The following RAVER2 variants were observed in gnomAD, a reference collection of about 807,000 sequenced individuals.
RAVER2 encodes ribonucleoprotein PTB-binding 2.
A neutral mutation model predicts 78.1 loss-of-function variants in RAVER2; 46 were observed. That is an observed-to-expected ratio of 0.59 (90% confidence interval 0.46 to 0.75). RAVER2 has a LOEUF of 0.75. Ranked by LOEUF, RAVER2 falls within the 30% of genes least tolerant of loss-of-function variation. RAVER2 has a pLI of 0.00. For synonymous variants in RAVER2, 311 were observed against 313.3 expected (o/e 0.99, Z 0.08); for missense variants, 793 against 837.5 (o/e 0.95, Z 0.66).
intron 2 of RAVER2, among the ~76,000 whole-genome samples, chr1:64,775,577 A>C (rs1652438276): frequency 6.6e-6 from 1 of 152,232 alleles, no homozygotes; most frequent in Non-Finnish European, 1.5e-5. Flanking sequence ...ACATGTGGCC[A>C]CACAGGTGTT....
intron 1 of RAVER2, among the ~76,000 whole-genome samples, chr1:64,767,931 G>C (rs1652216968): frequency 6.6e-6 from 1 of 151,964 alleles, no homozygotes; most frequent in Admixed American, 6.6e-5. Context: ...AAAAAGTTTA[G>C]GCTATGTTAA....
At chr1:64,813,307 G>A (rs1181604463) in intron 10 of RAVER2, among the ~76,000 whole-genome samples, 1 of 152,216 alleles carries the variant, frequency 6.6e-6, no homozygotes. Flanking sequence ...GTTGTAAATA[G>A]TGGGAAAACT....
intron 11 of RAVER2, among the ~76,000 whole-genome samples, chr1:64,818,262 C>T (rs1374506728): frequency 3.9e-5 from 6 of 152,238 alleles, no homozygotes; most frequent in African/African-American, 1.2e-4. Flanking sequence ...CTAGGCTGGG[C>T]GCGGTGGCTC....
intron 11 of RAVER2, among the ~76,000 whole-genome samples, chr1:64,827,787 C>A (rs1430670039): frequency 6.6e-6 from 1 of 152,188 alleles, no homozygotes; most frequent in Non-Finnish European, 1.5e-5. Context: ...GGGACAAGTT[C>A]AATAGCCTCC....
Position 64,748,120 on chromosome 1 carries a change from C to A in RAVER2, c.249+2699C>A, listed in dbSNP as rs1414295341. 3.3e-5 allele frequency among the ~76,000 whole-genome samples: 5 copies of A among 152,142 alleles called. No individual in the cohort carries two copies. The East Asian group carries it at 9.6e-4, about 29-fold the overall frequency. On this transcript the variant is annotated intron_variant, in intron 1 of 11. Coordinates refer to ENST00000294428, the Ensembl canonical transcript of RAVER2. Reference sequence around the variant, plus strand: ...TGGAAGCTTTTAGAGGTATGTTTATCAAATACCTTATAGAAGTACCGGCTC... The same window carrying A: ...TGGAAGCTTTTAGAGGTATGTTTATAAAATACCTTATAGAAGTACCGGCTC...
chr1:64,747,452 G>C (rs1651570647), intron 1 of RAVER2, among the ~76,000 whole-genome samples: 1 of 151,460 alleles, frequency 6.6e-6, no homozygotes, highest in East Asian at 1.9e-4. Flanking sequence ...AGATATTTTT[G>C]AAATACTAAG....
At position 64,804,960 on chromosome 1, in the gene RAVER2, A is replaced by G. The variant is rs368195799; in HGVS notation, c.1297-31A>G. 1.5e-3 allele frequency: 2,345 copies of G among 1,601,572 alleles called. 7 individuals carry two copies. The highest frequency in any genetic ancestry group is 1.7e-3 in the Non-Finnish European group (2,042 of 1,169,920). ...TTTTTTTAGGTTATATCTTATGGCC[A>G]TGGGTCTTACCTTTTTTTCTTCTTT... On this transcript the variant is annotated intron_variant, in intron 7 of 11. Coordinates refer to ENST00000294428, the Ensembl canonical transcript of RAVER2.
chr1:64,772,529 T>G (rs1328738783), intron 2 of RAVER2, among the ~76,000 whole-genome samples: 1 of 152,104 alleles, frequency 6.6e-6, no homozygotes, highest in Non-Finnish European at 1.5e-5. Flanking sequence ...CGATGTGATG[T>G]GATCTATGCA....
intron 1 of RAVER2, among the ~76,000 whole-genome samples, chr1:64,756,244 T>C (rs956290854): frequency 6.6e-6 from 1 of 152,142 alleles, no homozygotes; most frequent in African/African-American, 2.4e-5. Context: ...TTTGATTCCC[T>C]TTGATTAAAG....
At chr1:64,802,537 G>C (rs1653296814) in intron 5 of RAVER2, among the ~76,000 whole-genome samples, 1 of 152,086 alleles carries the variant, frequency 6.6e-6, no homozygotes, top group Admixed American at 6.5e-5. Context: ...ATATTTTTGT[G>C]TACATATATT....
intron 11 of RAVER2, among the ~76,000 whole-genome samples, chr1:64,817,477 A>G (rs1653782470): frequency 6.6e-6 from 1 of 152,162 alleles, no homozygotes; most frequent in Non-Finnish European, 1.5e-5. Flanking sequence ...GGCACTATTC[A>G]CAATAGCAAA....
At chr1:64,756,435 C>A (rs1271070337) in intron 1 of RAVER2, among the ~76,000 whole-genome samples, 5 of 152,102 alleles carry the variant, frequency 3.3e-5, no homozygotes, top group Non-Finnish European at 7.4e-5. Flanking sequence ...TGCTGCATTC[C>A]TACTACCATT....
chr1:64,765,459 G>A (rs552974040), intron 1 of RAVER2, among the ~76,000 whole-genome samples: 2 of 152,310 alleles, frequency 1.3e-5, no homozygotes, highest in South Asian at 4.1e-4. Context: ...GGTGGAATGA[G>A]TGAATTTTAG....
chr1:64,762,663 G>A (rs1360285339), intron 1 of RAVER2, among the ~76,000 whole-genome samples: 1 of 152,118 alleles, frequency 6.6e-6, no homozygotes, highest in Non-Finnish European at 1.5e-5. Flanking sequence ...TGATGCTAGG[G>A]CAGTTTGATA....
intron 5 of RAVER2, among the ~76,000 whole-genome samples, chr1:64,796,084 A>G (rs1366059995): frequency 6.6e-6 from 1 of 151,958 alleles, no homozygotes; most frequent in African/African-American, 2.4e-5. Context: ...GATACATTAC[A>G]TTGATGATTT....
chr1:64,832,972 G>C (rs935141345), exon 12 of RAVER2: 11 of 164,252 alleles, frequency 6.7e-5, no homozygotes, highest in African/African-American at 2.4e-4. Flanking sequence ...AGAGGTTGAA[G>C]GAACTAAAAC....
chr1:64,749,893 CAG>C (rs985708806), intron 1 of RAVER2, among the ~76,000 whole-genome samples: 4 of 152,106 alleles, frequency 2.6e-5, no homozygotes, highest in African/African-American at 7.2e-5. Flanking sequence ...ATGGAGAAAA[CAG>C]GGGCATTTGC....
chr1:64,820,146 T>C (rs1242973926), intron 11 of RAVER2, among the ~76,000 whole-genome samples: 1 of 152,218 alleles, frequency 6.6e-6, no homozygotes, highest in Non-Finnish European at 1.5e-5. Flanking sequence ...TAGGTTGTGA[T>C]AAGTTGTGGA....
intron 1 of RAVER2, among the ~76,000 whole-genome samples, chr1:64,765,563 A>G (rs763658516): frequency 2.6e-5 from 4 of 152,178 alleles, no homozygotes; most frequent in Non-Finnish European, 5.9e-5. Context: ...ATACAAAACA[A>G]TATAATGTTT....
Sources: gnomAD v4.1 joint callset for allele counts (sites outside exome capture counted in the v4.1 genomes callset) on GRCh38, gnomAD v4.1.1 for gene constraint, MANE v1.5 for transcripts, NCBI Gene and HGNC (gene_info 2026-07-23, HGNC 2026-07-21) for gene names.